RUNX1: variants seen among roughly 807,000 people sequenced by gnomAD.
The protein encoded by RUNX1 is RUNX family transcription factor 1, also known as runt-related transcription factor 1.
In RUNX1, 19 loss-of-function variants were observed where a neutral mutation model predicts 42.8. That is an observed-to-expected ratio of 0.44 (90% CI 0.31 to 0.65). The LOEUF (loss-of-function observed/expected upper bound fraction) is 0.65, where lower values mean the gene tolerates loss of function less well. Among genes scored for constraint, RUNX1 ranks in the 30% least tolerant of loss-of-function variants. The probability of loss-of-function intolerance (pLI) is 0.07; values close to 1 mark genes in which losing one functional copy is unlikely to be tolerated. For missense variants in RUNX1, 528 were observed against 672.0 expected, an observed-to-expected ratio of 0.79 and a Z score of 2.37; for synonymous variants, 271 against 289.4, an observed-to-expected ratio of 0.94 and a Z score of 0.64.
intron 2 of RUNX1, among the ~76,000 whole-genome samples, chr21:35,036,322 C>A (rs1393600052): frequency 6.6e-6 from 1 of 152,170 alleles, no homozygotes; most frequent in Non-Finnish European, 1.5e-5. Context: ...GCTTGCACAT[C>A]TTTTAATTTG....
intron 2 of RUNX1, among the ~76,000 whole-genome samples, chr21:35,008,566 A>G (rs1157584758): frequency 6.6e-6 from 1 of 152,234 alleles, no homozygotes; most frequent in African/African-American, 2.4e-5. Context: ...AGAAAAAGGG[A>G]AAAGTTAGGT....
At chr21:34,885,064 G>C (rs2057960473) in intron 4 of RUNX1, among the ~76,000 whole-genome samples, 1 of 152,150 alleles carries the variant, frequency 6.6e-6, no homozygotes, top group South Asian at 2.1e-4. Context: ...ACTCTGAATT[G>C]CTCCAATTCC....
In RUNX1 at chr21:34,789,941, AC is replaced by A. The variant is rs201977305; in HGVS notation, c.*2193del. The A allele has an allele frequency of 5.9e-3, 1,375 of 233,196 alleles. 17 individuals are homozygous for A. Among genetic ancestry groups the A allele is most frequent in the Admixed American group, 0.028 (495 of 17,802 alleles). The allele number at this position is 233,196 out of a possible 1,614,324, so 14.4% of individuals were successfully genotyped here. On this transcript the variant is annotated 3_prime_UTR_variant, in exon 9 of 9. Transcript: ENST00000675419. ...ACATGGTAACATGTGCTGAAAAAAA[AC>A]ATTTACGTTTAATTTGGGGGAAATG... is the stretch of plus-strand genomic sequence containing the variant.
intron 2 of RUNX1, among the ~76,000 whole-genome samples, chr21:34,972,487 A>C (rs1406286011): frequency 6.6e-6 from 1 of 152,222 alleles, no homozygotes; most frequent in Non-Finnish European, 1.5e-5. Context: ...ACCAAAAGCA[A>C]ACTCCTGTTC....
At chr21:34,984,831 C>A (rs2058873144) in intron 2 of RUNX1, among the ~76,000 whole-genome samples, 2 of 152,272 alleles carry the variant, frequency 1.3e-5, no homozygotes, top group South Asian at 4.1e-4. Flanking sequence ...TGCAGATAGA[C>A]CCCGTCATGT....
At position 34,792,215 on chromosome 21, in the gene RUNX1, C is replaced by A; in HGVS notation, c.1363G>T (p.Ala455Ser). The change falls in exon 9 of 9, where the codon GCC (alanine) becomes TCC (serine). Residue 455 changes from alanine (A) to serine (S), a missense_variant. Ala to Ser is a moderately conservative substitution (Grantham distance 99). Around this residue, in one of 3 missense-constraint regions of RUNX1, gnomAD observed 331 missense variants for 382.5 expected, o/e 0.87. Coordinates refer to ENST00000675419, the MANE Select transcript of RUNX1 (RefSeq NM_001754.5). The surrounding 1 kb of genome is among the most constrained non-coding windows in gnomAD (Gnocchi z 6.9). ...GGGGAGTTGCTGTGGCTGCCCTCGG[C>A]CTCCACCACGTCGCTCTGGTTCGGG... ...SLPNQSDVVE[A>S]EGSHSNSPTN... 1 of 1,539,170 alleles carries A rather than the reference C, an allele frequency of 6.5e-7. No individual in the cohort carries two copies.
chr21:34,998,849 C>G (rs2059018693), intron 2 of RUNX1, among the ~76,000 whole-genome samples: 1 of 152,096 alleles, frequency 6.6e-6, no homozygotes, highest in African/African-American at 2.4e-5. Context: ...CCTCTTTTTT[C>G]TTAAGACCAA....
chr21:35,038,413 G>A, intron 2 of RUNX1: 3 of 395,058 alleles, frequency 7.6e-6, no homozygotes, highest in Non-Finnish European at 1.5e-5. Context: ...GAAGCCTCCA[G>A]GGAAAGAAAT....
rs188913798 is a variant in RUNX1, at chr21:34,803,557, A to T, written c.806-4095T>A. Among the ~76,000 whole-genome samples the T allele has an allele frequency of 2.4e-3, 359 of 151,012 alleles. No homozygotes were observed. In the Middle Eastern group the frequency reaches 0.024, roughly 10 times the overall value. The stretch of plus-strand genomic sequence containing the variant: ...GCCAGACTCCGTCTCAGAAAAAAAA[A>T]AATAATAATAAATAAAAAACACTGG... On this transcript the variant is annotated intron_variant, in intron 7 of 8. Coordinates refer to ENST00000675419, the MANE Select transcript of RUNX1 (RefSeq NM_001754.5).
chr21:34,903,371 T>C (rs1208953590), intron 2 of RUNX1, among the ~76,000 whole-genome samples: 2 of 152,138 alleles, frequency 1.3e-5, no homozygotes, highest in African/African-American at 4.8e-5. Context: ...TAAGCTTCAT[T>C]ATTATTATTA....
chr21:35,046,329 C>T (rs185798003), intron 2 of RUNX1, among the ~76,000 whole-genome samples: 6 of 152,332 alleles, frequency 3.9e-5, no homozygotes, highest in Admixed American at 2.6e-4. Flanking sequence ...CCCCCAATTT[C>T]CACATGGGTA....
Position 34,792,728 on chromosome 21 carries a change from C to A in RUNX1, c.968-118G>T. ...TACCGCCTAGGAGGATGGGAAGCCA[C>A]CCAGGATGCTACTGCTGGGGAGGAC... On this transcript the variant is annotated intron_variant, in intron 8 of 8. Transcript: ENST00000675419. This position sits in a 1 kb window ranked among gnomAD's most constrained non-coding sequence, Gnocchi z 6.9. 9.9e-7 allele frequency: 1 copy of A among 1,014,130 alleles called. No individual in the cohort carries two copies. Among genetic ancestry groups the A allele is most frequent in the South Asian group, 1.7e-5 (1 of 60,454 alleles). The allele number at this position is 1,014,130 out of a possible 1,614,324, so 62.8% of individuals were successfully genotyped here.
At chr21:34,816,134 T>C (rs998787113) in intron 7 of RUNX1, among the ~76,000 whole-genome samples, 2 of 152,204 alleles carry the variant, frequency 1.3e-5, no homozygotes, top group Non-Finnish European at 2.9e-5. Context: ...GTTGGTGCTA[T>C]GTAAGGAAAG....
intron 2 of RUNX1, among the ~76,000 whole-genome samples, chr21:34,998,643 G>A (rs549958388): frequency 1.1e-4 from 16 of 152,076 alleles, no homozygotes; most frequent in East Asian, 9.7e-4. Context: ...CCAGGTTCAC[G>A]CCATTCTCCT....
intron 2 of RUNX1, among the ~76,000 whole-genome samples, chr21:34,998,720 T>C (rs946367753): frequency 4.6e-5 from 7 of 152,014 alleles, no homozygotes; most frequent in Non-Finnish European, 1.0e-4. Context: ...TTTTTGTATT[T>C]TTAGTAGAGA....
intron 2 of RUNX1, among the ~76,000 whole-genome samples, chr21:35,032,522 C>A (rs572557421): frequency 6.6e-6 from 1 of 152,190 alleles, no homozygotes; most frequent in Non-Finnish European, 1.5e-5. Context: ...TGATCAGTCC[C>A]GTGACTATGA....
At chr21:34,924,292 T>C (rs2058376521) in intron 2 of RUNX1, among the ~76,000 whole-genome samples, 1 of 152,196 alleles carries the variant, frequency 6.6e-6, no homozygotes. Context: ...GTGCTCTGTG[T>C]TGGGAATATG....
intron 2 of RUNX1, among the ~76,000 whole-genome samples, chr21:34,981,137 T>A (rs1328455809): frequency 1.3e-5 from 2 of 152,222 alleles, no homozygotes; most frequent in Non-Finnish European, 2.9e-5. Flanking sequence ...CAACAACAGC[T>A]GAGGGTCTAA....
intron 7 of RUNX1, among the ~76,000 whole-genome samples, chr21:34,803,165 G>A (rs1445309235): frequency 6.6e-6 from 1 of 152,044 alleles, no homozygotes; most frequent in Non-Finnish European, 1.5e-5. Flanking sequence ...AATGGTAAAG[G>A]GGCAAATTTC....
Sources: gnomAD v4.1 joint callset for allele counts (sites outside exome capture counted in the v4.1 genomes callset) on GRCh38, gnomAD v4.1.1 for gene constraint, gnomAD v4.1.1 regional missense constraint, Gnocchi (gnomAD v3.1) non-coding constraint, MANE v1.5 for transcripts, NCBI Gene and HGNC (gene_info 2026-07-23, HGNC 2026-07-21) for gene names.